The following PAK5 variants were observed in gnomAD, a reference collection of about 807,000 sequenced individuals.
PAK5 encodes serine/threonine-protein kinase PAK 5.
A neutral mutation model predicts 65.9 loss-of-function variants in PAK5; 16 were observed. That is an observed-to-expected ratio of 0.24 (90% confidence interval 0.16 to 0.37). The LOEUF (loss-of-function observed/expected upper bound fraction) is 0.37. Among genes scored for constraint, PAK5 ranks in the 10% least tolerant of loss-of-function variants. The pLI, the probability that PAK5 is intolerant of heterozygous loss-of-function variation, is 1.00. For missense variants in PAK5, 785 were observed against 903.9 expected (o/e 0.87, Z 1.69); for synonymous variants, 371 against 354.9 (o/e 1.05, Z -0.51).
At chr20:9,609,770 A>G (rs1299779569) in intron 3 of PAK5, among the ~76,000 whole-genome samples, 2 of 152,224 alleles carry the variant, frequency 1.3e-5, no homozygotes, top group Non-Finnish European at 2.9e-5. Flanking sequence ...TGGCCTGTAT[A>G]TTAGTCGGTG....
intron 1 of PAK5, among the ~76,000 whole-genome samples, chr20:9,807,789 TAA>T (rs1569096427): frequency 3.4e-4 from 51 of 150,300 alleles, no homozygotes; most frequent in African/African-American, 1.1e-3. Context: ...ATAATAATAA[TAA>T]ATCCAGTGCA....
chr20:9,554,279 T>G (rs1231256172), intron 7 of PAK5, among the ~76,000 whole-genome samples: 1 of 152,232 alleles, frequency 6.6e-6, no homozygotes, highest in East Asian at 1.9e-4. Flanking sequence ...TAATGTTATT[T>G]GATTCTGAGG....
chr20:9,589,325 C>T (rs556456059), intron 3 of PAK5, among the ~76,000 whole-genome samples: 13 of 152,304 alleles, frequency 8.5e-5, no homozygotes, highest in Non-Finnish European at 1.2e-4. Context: ...ATAGTCACAA[C>T]AAACAGATTT....
intron 2 of PAK5, among the ~76,000 whole-genome samples, chr20:9,695,107 T>C (rs1013895244): frequency 1.8e-4 from 28 of 152,186 alleles, no homozygotes; most frequent in African/African-American, 6.3e-4. Context: ...CATCTCATTG[T>C]GGCTTTATTT....
At chr20:9,828,491 T>C (rs1487983003) in intron 1 of PAK5, among the ~76,000 whole-genome samples, 1 of 152,206 alleles carries the variant, frequency 6.6e-6, no homozygotes, top group African/African-American at 2.4e-5. Context: ...CAACTGTTCC[T>C]ACTTTAGAGG....
intron 2 of PAK5, among the ~76,000 whole-genome samples, chr20:9,677,973 T>C (rs2047597290): frequency 6.6e-6 from 1 of 152,234 alleles, no homozygotes; most frequent in African/African-American, 2.4e-5. Context: ...TTCAAATACC[T>C]ATAGTTGAAA....
chr20:9,813,456 A>G (rs2049321045), intron 1 of PAK5, among the ~76,000 whole-genome samples: 1 of 152,132 alleles, frequency 6.6e-6, no homozygotes, highest in Non-Finnish European at 1.5e-5. Flanking sequence ...CTAGACAGAA[A>G]AAGTTTAAAT....
chr20:9,773,101 A>AGG (rs1569082513), intron 1 of PAK5, among the ~76,000 whole-genome samples: 1 of 152,028 alleles, frequency 6.6e-6, no homozygotes, highest in East Asian at 1.9e-4. Flanking sequence ...CCATCCAAGA[A>AGG]GATCTCTCTG....
At chr20:9,704,809 T>C (rs1296715191) in intron 2 of PAK5, among the ~76,000 whole-genome samples, 2 of 152,154 alleles carry the variant, frequency 1.3e-5, no homozygotes, top group Non-Finnish European at 2.9e-5. Flanking sequence ...ATACAGCCAG[T>C]GGTCCAGCAA....
chr20:9,701,859 G>A (rs908006173), intron 2 of PAK5, among the ~76,000 whole-genome samples: 2 of 151,946 alleles, frequency 1.3e-5, no homozygotes, highest in Admixed American at 1.3e-4. Context: ...AATTAGTCAG[G>A]TGTGGTGGCC....
chr20:9,771,282 T>C (rs1011065735), intron 1 of PAK5, among the ~76,000 whole-genome samples: 2 of 152,216 alleles, frequency 1.3e-5, no homozygotes, highest in South Asian at 2.1e-4. Context: ...CTGAACTATA[T>C]GAAATTGACC....
At chr20:9,812,726 G>A (rs2049312197) in intron 1 of PAK5, among the ~76,000 whole-genome samples, 1 of 152,082 alleles carries the variant, frequency 6.6e-6, no homozygotes, top group Non-Finnish European at 1.5e-5. Context: ...ATAGTTAGAA[G>A]GAATAAGATC....
intron 1 of PAK5, among the ~76,000 whole-genome samples, chr20:9,768,760 G>A (rs1240044385): frequency 7.7e-6 from 1 of 130,670 alleles, no homozygotes; most frequent in African/African-American, 2.9e-5. Context: ...TCCAGCCTGG[G>A]CAACAGAGCA....
At chr20:9,709,527 C>T (rs1228419008) in intron 2 of PAK5, among the ~76,000 whole-genome samples, 2 of 152,104 alleles carry the variant, frequency 1.3e-5, no homozygotes, top group Non-Finnish European at 2.9e-5. Flanking sequence ...ACAAAATACC[C>T]CTCAGTAAGC....
chr20:9,598,767 G>A (rs1005875258), intron 3 of PAK5, among the ~76,000 whole-genome samples: 2 of 152,214 alleles, frequency 1.3e-5, no homozygotes, highest in African/African-American at 4.8e-5. Context: ...CCTTTGAGAA[G>A]TGTCTGTTCA....
intron 4 of PAK5, among the ~76,000 whole-genome samples, chr20:9,569,765 T>C (rs2123017857): frequency 6.7e-6 from 1 of 149,338 alleles, no homozygotes; most frequent in Non-Finnish European, 1.5e-5. Context: ...CATAGCACCA[T>C]TCTCAGTCCC....
intron 1 of PAK5, among the ~76,000 whole-genome samples, chr20:9,784,997 A>T (rs536563792): frequency 6.6e-6 from 1 of 151,860 alleles, no homozygotes; most frequent in Non-Finnish European, 1.5e-5. Context: ...CTTTCCAATA[A>T]TTTCAGTAAG....
chr20:9,682,469 C>A lies in PAK5; in HGVS notation c.-12+28817G>T, dbSNP rs552105309. Among the ~76,000 whole-genome samples the A allele has an allele frequency of 8.1e-4, 123 of 152,292 alleles. 1 individual carries two copies. The highest frequency in any genetic ancestry group is 2.8e-3 in the African/African-American group (118 of 41,566). Reference sequence around the variant, plus strand: ...GAATCTGACATTCTGAGCTTCATTTCCTCTCAAGGCGTTTCCTCACTTAGA... The same window carrying A: ...GAATCTGACATTCTGAGCTTCATTTACTCTCAAGGCGTTTCCTCACTTAGA... On this transcript the variant is annotated intron_variant, in intron 2 of 9. Coordinates refer to ENST00000353224, the MANE Select transcript of PAK5 (RefSeq NM_177990.4).
At chr20:9,832,707 CT>C (rs1978822379) in intron 1 of PAK5, among the ~76,000 whole-genome samples, 1 of 152,114 alleles carries the variant, frequency 6.6e-6, no homozygotes, top group African/African-American at 2.4e-5. Context: ...GTATTTTTTA[CT>C]TTTTTAATAC....
Sources: gnomAD v4.1 joint callset for allele counts (sites outside exome capture counted in the v4.1 genomes callset) on GRCh38, gnomAD v4.1.1 for gene constraint, MANE v1.5 for transcripts, NCBI Gene and HGNC (gene_info 2026-07-23, HGNC 2026-07-21) for gene names.